Variants in ST3GAL3 observed in about 807,000 individuals in gnomAD.
The protein encoded by ST3GAL3 is ST3 beta-galactoside alpha-2,3-sialyltransferase 3.
In ST3GAL3, 21 loss-of-function variants were observed where a neutral mutation model predicts 50.1. The ratio of observed to expected loss-of-function variants is 0.42; its 90% CI spans 0.30 to 0.60. The LOEUF (loss-of-function observed/expected upper bound fraction) is 0.60, where lower values mean the gene tolerates loss of function less well. Ranked by LOEUF, ST3GAL3 falls within the 20% of genes least tolerant of loss-of-function variation. The probability of loss-of-function intolerance (pLI) is 0.19; values close to 1 mark genes in which losing one functional copy is unlikely to be tolerated. For missense variants in ST3GAL3, 353 were observed against 489.4 expected (o/e 0.72, Z 2.63); for synonymous variants, 183 against 190.0 (o/e 0.96, Z 0.30).
chr1:43,857,425 C>A (rs956847022), intron 5 of ST3GAL3, among the ~76,000 whole-genome samples: 13 of 152,212 alleles, frequency 8.5e-5, no homozygotes, highest in Admixed American at 2.6e-4. Flanking sequence ...CCCAAAAAAA[C>A]CAAACTTTTA....
chr1:43,770,749 T>C (rs1395344660), intron 2 of ST3GAL3, among the ~76,000 whole-genome samples: 3 of 152,162 alleles, frequency 2.0e-5, no homozygotes, highest in African/African-American at 7.2e-5. Context: ...AAATCTTGCC[T>C]TGCTTCTTAT....
chr1:43,731,927 C>T (rs1286230614), intron 1 of ST3GAL3, among the ~76,000 whole-genome samples: 3 of 152,192 alleles, frequency 2.0e-5, no homozygotes, highest in East Asian at 1.9e-4. Flanking sequence ...ATCAACCAGC[C>T]TCAGCCTCCC....
chr1:43,753,049 G>A (rs775069854), intron 2 of ST3GAL3, among the ~76,000 whole-genome samples: 28 of 152,132 alleles, frequency 1.8e-4, no homozygotes, highest in African/African-American at 2.4e-4. Flanking sequence ...CATTGTAAAG[G>A]TTATAACTAA....
intron 2 of ST3GAL3, among the ~76,000 whole-genome samples, chr1:43,766,473 C>T (rs1322247782): frequency 4.6e-5 from 7 of 152,166 alleles, no homozygotes; most frequent in Admixed American, 4.6e-4. Context: ...GAGATGGGCA[C>T]TGAAGCAGGG....
intron 5 of ST3GAL3, among the ~76,000 whole-genome samples, chr1:43,855,525 G>A (rs979781453): frequency 1.3e-5 from 2 of 151,770 alleles, no homozygotes; most frequent in Non-Finnish European, 2.9e-5. Context: ...CAGGAGAATC[G>A]CTTGAACCTG....
chr1:43,824,926 T>C, intron 4 of ST3GAL3: 2 of 720,642 alleles, frequency 2.8e-6, no homozygotes, highest in Non-Finnish European at 5.2e-6. Flanking sequence ...TGAGAACCAC[T>C]GCTTTAATAA....
At chr1:43,921,059 C>A in intron 11 of ST3GAL3, 131 bp downstream of exon 11, 1 of 1,074,698 alleles carries the variant, frequency 9.3e-7, no homozygotes, top group Non-Finnish European at 1.4e-6. Flanking sequence ...CACCAAGCAT[C>A]CTACGTGCCC....
chr1:43,919,494 A>AAAGG (rs2082671615), intron 9 of ST3GAL3: 1 of 152,394 alleles, frequency 6.6e-6, no homozygotes, highest in East Asian at 1.9e-4. Context: ...GCCCAGCTGT[A>AAAGG]AAGGTAGAAA....
At chr1:43,854,882 T>C (rs2154217893) in intron 5 of ST3GAL3, among the ~76,000 whole-genome samples, 1 of 152,318 alleles carries the variant, frequency 6.6e-6, no homozygotes, top group East Asian at 1.9e-4. Flanking sequence ...TTGTGTACTG[T>C]CTTCTTTCCG....
chr1:43,736,938 C>G (rs1267316372), intron 2 of ST3GAL3: 1 of 231,466 alleles, frequency 4.3e-6, no homozygotes, highest in African/African-American at 2.4e-5. Flanking sequence ...TTTTTCTTCT[C>G]TTTGTGCACT....
At chr1:43,824,437 C>G (rs941446258) in intron 4 of ST3GAL3, among the ~76,000 whole-genome samples, 2 of 151,434 alleles carry the variant, frequency 1.3e-5, no homozygotes, top group African/African-American at 4.8e-5. Flanking sequence ...CTAAGCAAAG[C>G]TAAAAATATT....
intron 5 of ST3GAL3, among the ~76,000 whole-genome samples, chr1:43,891,798 GAGTT>G (rs1217722552): frequency 4.6e-5 from 7 of 152,318 alleles, no homozygotes; most frequent in Admixed American, 4.6e-4. Flanking sequence ...TGCTACCAAA[GAGTT>G]AGTGAGAGAA....
At chr1:43,728,341 G>GAAAACA (rs113220015) in intron 1 of ST3GAL3, among the ~76,000 whole-genome samples, 11,548 of 130,468 alleles carry the variant, frequency 0.089, 1,478 homozygotes, top group African/African-American at 0.27. Flanking sequence ...CTCCTTCTCA[G>GAAAACA]AAAACAAAAA....
chr1:43,838,577 C>G (rs1381604071), intron 5 of ST3GAL3: 3 of 422,580 alleles, frequency 7.1e-6, no homozygotes, highest in South Asian at 4.2e-5. Flanking sequence ...CGCATGCAAG[C>G]CAGGTATCCA....
chr1:43,833,873 C>T (rs950636507), intron 4 of ST3GAL3, among the ~76,000 whole-genome samples: 1 of 152,154 alleles, frequency 6.6e-6, no homozygotes, highest in African/African-American at 2.4e-5. Flanking sequence ...CATCCCTGGC[C>T]AAGGCGGGCT....
chr1:43,720,824 C>T (rs968192798), intron 1 of ST3GAL3, among the ~76,000 whole-genome samples: 2 of 152,126 alleles, frequency 1.3e-5, no homozygotes, highest in Non-Finnish European at 2.9e-5. Context: ...AAAATGTATA[C>T]GTGAATGTTC....
At chr1:43,873,726 A>G (rs558228753) in intron 5 of ST3GAL3, among the ~76,000 whole-genome samples, 3 of 152,298 alleles carry the variant, frequency 2.0e-5, no homozygotes, top group South Asian at 4.1e-4. Flanking sequence ...CAGAGGTTGC[A>G]TGTAACGTGA....
intron 5 of ST3GAL3, chr1:43,840,030 CTTTT>C (rs529923605): frequency 5.0e-5 from 7 of 141,330 alleles, no homozygotes; most frequent in Non-Finnish European, 9.3e-5. Context: ...TTTTCCCTTC[CTTTT>C]TTTTTTTTTT....
intron 4 of ST3GAL3, among the ~76,000 whole-genome samples, chr1:43,830,739 G>C (rs1211191123): frequency 6.6e-6 from 1 of 152,200 alleles, no homozygotes; most frequent in East Asian, 1.9e-4. Context: ...CCTGCACATA[G>C]ATGATGGAAT....
Sources: allele counts gnomAD v4.1 joint callset (sites outside exome capture counted in the v4.1 genomes callset), GRCh38; gene constraint gnomAD v4.1.1; transcripts MANE v1.5; gene names NCBI Gene and HGNC (gene_info 2026-07-23, HGNC 2026-07-21).